The following DIAPH2 variants were observed in gnomAD, a reference collection of about 807,000 sequenced individuals.
The protein encoded by DIAPH2 is protein diaphanous homolog 2.
In DIAPH2, 35 loss-of-function variants were observed where a neutral mutation model predicts 92.7. The ratio of observed to expected loss-of-function variants is 0.38; its 90% CI spans 0.29 to 0.50. The LOEUF is 0.50. Ranked by LOEUF, DIAPH2 falls within the 20% of genes least tolerant of loss-of-function variation. DIAPH2 has a pLI of 0.94. For synonymous variants in DIAPH2, 301 were observed against 280.4 expected (o/e 1.07, Z -0.73); for missense variants, 701 against 819.5 (o/e 0.86, Z 1.77).
rs951001955 is a variant in DIAPH2 at position 97,135,002 on chromosome X, T to A, written c.2590-6663T>A. 8.0e-5 allele frequency among the ~76,000 whole-genome samples: 9 copies of A among 111,865 alleles called. No homozygotes were observed. In the East Asian group the frequency reaches 8.4e-4, roughly 10 times the overall value. On this transcript the variant is annotated intron_variant, in intron 21 of 26. Coordinates refer to ENST00000324765, the MANE Select transcript of DIAPH2 (RefSeq NM_006729.5). ...ACATCAAGTCAGCCCTAATTATTTT[T>A]GGCCTGTCTAAAGAATTTATTCATT...
rs912771585 is a variant in DIAPH2, at chrX:96,912,230, A to T, written c.588-98A>T. ...AAATAATGACAAGCAATATTGAGAC[A>T]GAATTATCAGATTTGAAAATTAAAA... On this transcript the variant is annotated intron_variant, in intron 5 of 26. Transcript: ENST00000324765. The T allele has an allele frequency of 2.1e-5, 14 of 680,378 alleles. No homozygotes were observed. In the African/African-American group the frequency reaches 2.4e-4, roughly 12 times the overall value. 56.1% of individuals were successfully genotyped at this position (680,378 alleles called of 1,213,427 possible).
At chrX:97,310,580 G>T (rs1005396168) in intron 23 of DIAPH2, among the ~76,000 whole-genome samples, 1 of 111,198 alleles carries the variant, frequency 9.0e-6, no homozygotes, top group African/African-American at 3.3e-5. Context: ...CAAAAAGCTG[G>T]TGTGTTCCAG....
At chrX:96,847,897 A>T (rs1274211847) in intron 4 of DIAPH2, among the ~76,000 whole-genome samples, 1 of 111,332 alleles carries the variant, frequency 9.0e-6, no homozygotes, top group African/African-American at 3.3e-5. Context: ...TATAATTTGT[A>T]TTATCCCGTT....
At chrX:97,236,672 G>T (rs775489141) in intron 22 of DIAPH2, among the ~76,000 whole-genome samples, 1 of 107,637 alleles carries the variant, frequency 9.3e-6, no homozygotes, top group Non-Finnish European at 1.9e-5. Flanking sequence ...AGCCTCCCGA[G>T]TAGCTGGGAC....
At chrX:97,302,548 A>AAAAAT (rs973270649) in intron 23 of DIAPH2, among the ~76,000 whole-genome samples, 6 of 111,362 alleles carry the variant, frequency 5.4e-5, no homozygotes, top group Admixed American at 9.6e-5. Flanking sequence ...ATAAAAATTA[A>AAAAAT]AAAATAAAAT....
At position 97,277,850 on chromosome X, in the gene DIAPH2, G is replaced by T. The variant is rs150451334; in HGVS notation, c.2844+30011G>T. 3.0e-3 allele frequency among the ~76,000 whole-genome samples: 333 copies of T among 111,940 alleles called. 2 individuals are homozygous for T. The highest frequency in any genetic ancestry group is 9.3e-3 in the Middle Eastern group (2 of 214). On this transcript the variant is annotated intron_variant, in intron 23 of 26. Coordinates refer to ENST00000324765, the MANE Select transcript of DIAPH2 (RefSeq NM_006729.5). ...TCCATTCCAAAAATATGGATTAAGG[G>T]CCATGTTTCTTTATTGTTAGCATTC...
intron 5 of DIAPH2, among the ~76,000 whole-genome samples, chrX:96,906,827 G>C (rs2065437006): frequency 8.9e-6 from 1 of 111,874 alleles, no homozygotes; most frequent in Non-Finnish European, 1.9e-5. Context: ...CTCCCTGATA[G>C]ATACAGCCAA....
At chrX:96,916,004 A>T (rs1419035444) in intron 7 of DIAPH2, among the ~76,000 whole-genome samples, 2 of 111,481 alleles carry the variant, frequency 1.8e-5, no homozygotes, top group African/African-American at 3.2e-5. Flanking sequence ...AGAGCCTTTT[A>T]AAAAAAATTT....
intron 23 of DIAPH2, among the ~76,000 whole-genome samples, chrX:97,297,076 CTTTTTTTT>C (rs57145821): frequency 4.8e-5 from 1 of 20,729 alleles, no homozygotes; most frequent in Non-Finnish European, 7.9e-5. Context: ...CAGGCCTGGC[CTTTTTTTT>C]TTTTTTTTTT....
chrX:97,498,910 G>A (rs1319037072), intron 26 of DIAPH2, among the ~76,000 whole-genome samples: 1 of 111,359 alleles, frequency 9.0e-6, no homozygotes, highest in East Asian at 2.8e-4. Context: ...GAAGTTCCCT[G>A]AGGACTGACT....
chrX:96,686,719 A>C (rs1338045709), intron 1 of DIAPH2, among the ~76,000 whole-genome samples: 2 of 111,940 alleles, frequency 1.8e-5, no homozygotes, highest in African/African-American at 3.2e-5. Context: ...TGTCAGAGTT[A>C]ACAAAAACAA....
chrX:97,284,294 T>A (rs773168371), intron 23 of DIAPH2, among the ~76,000 whole-genome samples: 1 of 111,993 alleles, frequency 8.9e-6, no homozygotes, highest in African/African-American at 3.2e-5. Flanking sequence ...TCTTGGTGTT[T>A]ATGCATGCAA....
chrX:97,132,266 A>G (rs2067142999), intron 21 of DIAPH2, among the ~76,000 whole-genome samples: 1 of 111,534 alleles, frequency 9.0e-6, no homozygotes, highest in African/African-American at 3.3e-5. Context: ...AAAAGGGACT[A>G]TCAGGCCTAC....
intron 23 of DIAPH2, among the ~76,000 whole-genome samples, chrX:97,257,491 A>G (rs1270973732): frequency 9.0e-6 from 1 of 111,698 alleles, no homozygotes; most frequent in Non-Finnish European, 1.9e-5. Flanking sequence ...AATATCTAGT[A>G]AGTGGCTTTT....
At chrX:97,074,080 A>C (rs761463842) in intron 18 of DIAPH2, among the ~76,000 whole-genome samples, 2 of 111,800 alleles carry the variant, frequency 1.8e-5, no homozygotes, top group Non-Finnish European at 3.8e-5. Context: ...AGACCTTTTC[A>C]TGAAAAAAAG....
At chrX:97,513,879 G>A (rs1230573520) in intron 26 of DIAPH2, among the ~76,000 whole-genome samples, 1 of 103,250 alleles carries the variant, frequency 9.7e-6, no homozygotes, top group Admixed American at 1.0e-4. Flanking sequence ...CGAGAGATCC[G>A]CTGTTAGTCT....
intron 14 of DIAPH2, among the ~76,000 whole-genome samples, chrX:96,947,445 T>A (rs1278260119): frequency 9.0e-6 from 1 of 111,160 alleles, no homozygotes; most frequent in East Asian, 2.8e-4. Context: ...ACGAGGTCAT[T>A]GACTGAAGGA....
At chrX:96,804,452 C>T (rs1264308274) in intron 4 of DIAPH2, among the ~76,000 whole-genome samples, 2 of 111,762 alleles carry the variant, frequency 1.8e-5, no homozygotes, top group African/African-American at 6.5e-5. Flanking sequence ...TTTTATTAAG[C>T]ATTGATAAGT....
intron 5 of DIAPH2, among the ~76,000 whole-genome samples, chrX:96,891,840 C>T (rs1175773887): frequency 8.9e-6 from 1 of 111,807 alleles, no homozygotes; most frequent in Non-Finnish European, 1.9e-5. Context: ...TATTCACATC[C>T]TATGATGATA....
Sources: allele counts gnomAD v4.1 joint callset (sites outside exome capture counted in the v4.1 genomes callset), GRCh38; gene constraint gnomAD v4.1.1; transcripts MANE v1.5; gene names NCBI Gene and HGNC (gene_info 2026-07-23, HGNC 2026-07-21).